Variants in TTC29 observed in about 807,000 individuals in gnomAD.
The protein encoded by TTC29 is tetratricopeptide repeat domain 29.
In TTC29, 49 loss-of-function variants were observed where a neutral mutation model predicts 58.1. The observed-to-expected ratio is 0.84, with a 90% CI of 0.67 to 1.07. The LOEUF (loss-of-function observed/expected upper bound fraction) is 1.07, where lower values mean the gene tolerates loss of function less well. Among genes scored for constraint, TTC29 ranks in the 50% least tolerant of loss-of-function variants. The probability of loss-of-function intolerance (pLI) is 0.00; values close to 1 mark genes in which losing one functional copy is unlikely to be tolerated. For missense variants in TTC29, 582 were observed against 555.6 expected (o/e 1.05, Z -0.48); for synonymous variants, 209 against 196.8 (o/e 1.06, Z -0.52).
intron 11 of TTC29, among the ~76,000 whole-genome samples, chr4:146,731,151 T>C (rs751160050): frequency 2.6e-5 from 4 of 152,032 alleles, no homozygotes; most frequent in Non-Finnish European, 5.9e-5. Flanking sequence ...AAGGAGAGAA[T>C]ATATATTGAG....
intron 11 of TTC29, among the ~76,000 whole-genome samples, chr4:146,744,434 G>T (rs1469521291): frequency 6.6e-6 from 1 of 152,136 alleles, no homozygotes; most frequent in African/African-American, 2.4e-5. Context: ...AGAGAAGAAA[G>T]ATATAGAATG....
chr4:146,867,341 C>T (rs1002447495), intron 8 of TTC29, among the ~76,000 whole-genome samples, 157 bp downstream of exon 8: 5 of 152,092 alleles, frequency 3.3e-5, no homozygotes, highest in Non-Finnish European at 7.4e-5. Context: ...TTTTAAAATG[C>T]TTCTAGCATA....
At chr4:146,872,429 T>G (rs1266107917) in intron 7 of TTC29, among the ~76,000 whole-genome samples, 1 of 151,952 alleles carries the variant, frequency 6.6e-6, no homozygotes, top group Non-Finnish European at 1.5e-5. Context: ...CTTCAATGAA[T>G]ACCATCAGGA....
At chr4:146,930,292 T>C (rs892166211) in intron 4 of TTC29, among the ~76,000 whole-genome samples, 1 of 151,722 alleles carries the variant, frequency 6.6e-6, no homozygotes, top group African/African-American at 2.4e-5. Flanking sequence ...TTTTTATTTC[T>C]TATAACTAGA....
chr4:146,818,027 G>C (rs1751536117), intron 10 of TTC29, among the ~76,000 whole-genome samples: 1 of 152,032 alleles, frequency 6.6e-6, no homozygotes, highest in Non-Finnish European at 1.5e-5. Context: ...GCATGGGCAA[G>C]GACTTCATGT....
intron 8 of TTC29, among the ~76,000 whole-genome samples, chr4:146,836,758 TG>T (rs1364376300): frequency 1.3e-5 from 2 of 152,060 alleles, no homozygotes; most frequent in East Asian, 3.9e-4. Context: ...TCAATATCAG[TG>T]ATCATTAGAG....
intron 6 of TTC29, among the ~76,000 whole-genome samples, chr4:146,883,677 C>T (rs1348994132): frequency 6.6e-6 from 1 of 151,928 alleles, no homozygotes; most frequent in Non-Finnish European, 1.5e-5. Flanking sequence ...GAACTGTGGG[C>T]TCGGTGCAAC....
intron 6 of TTC29, among the ~76,000 whole-genome samples, chr4:146,882,340 G>C (rs1731683762): frequency 6.6e-6 from 1 of 151,968 alleles, no homozygotes; most frequent in African/African-American, 2.4e-5. Flanking sequence ...CATAATTGGA[G>C]GTATCAAAGT....
At chr4:146,758,539 T>C (rs1333676521) in intron 11 of TTC29, among the ~76,000 whole-genome samples, 2 of 152,126 alleles carry the variant, frequency 1.3e-5, no homozygotes, top group Non-Finnish European at 2.9e-5. Context: ...AGAATACACA[T>C]TCTATCCAAC....
At chr4:146,753,354 A>G (rs376414908) in intron 11 of TTC29, among the ~76,000 whole-genome samples, 1 of 152,238 alleles carries the variant, frequency 6.6e-6, no homozygotes, top group Non-Finnish European at 1.5e-5. Flanking sequence ...ACAATGAGAT[A>G]CCATCTCACA....
At chr4:146,764,091 T>C (rs1174613867) in intron 11 of TTC29, 1 of 152,118 alleles carries the variant, frequency 6.6e-6, no homozygotes, top group Admixed American at 6.6e-5. Flanking sequence ...AAGCATCTCT[T>C]AAACCACTTT....
At chr4:146,836,801 T>C (rs1344142592) in intron 8 of TTC29, among the ~76,000 whole-genome samples, 2 of 152,072 alleles carry the variant, frequency 1.3e-5, no homozygotes, top group East Asian at 3.9e-4. Context: ...TGAGATACCA[T>C]CTCTTATGAG....
At chr4:146,900,861 T>G (rs1733099821) in intron 6 of TTC29, among the ~76,000 whole-genome samples, 1 of 152,104 alleles carries the variant, frequency 6.6e-6, no homozygotes, top group Non-Finnish European at 1.5e-5. Flanking sequence ...CATAAAAAAT[T>G]TAAAAATCAA....
At chr4:146,926,147 T>G (rs2150311152) in intron 4 of TTC29, among the ~76,000 whole-genome samples, 1 of 152,328 alleles carries the variant, frequency 6.6e-6, no homozygotes, top group East Asian at 1.9e-4. Flanking sequence ...TATGACAAGC[T>G]CTCTAAATAA....
chr4:146,766,852 G>A (rs906550702), intron 11 of TTC29, among the ~76,000 whole-genome samples: 1 of 152,036 alleles, frequency 6.6e-6, no homozygotes, highest in Non-Finnish European at 1.5e-5. Flanking sequence ...GAAGTAGTTA[G>A]GTAGTGGGCA....
At chr4:146,774,750 G>A (rs1329652093) in intron 11 of TTC29, among the ~76,000 whole-genome samples, 5 of 152,056 alleles carry the variant, frequency 3.3e-5, no homozygotes, top group East Asian at 3.9e-4. Context: ...GTCAAGTGTC[G>A]AGTTCAGGCC....
chr4:146,825,370 A>T (rs1212314260), intron 9 of TTC29, among the ~76,000 whole-genome samples: 1 of 152,188 alleles, frequency 6.6e-6, no homozygotes, highest in Non-Finnish European at 1.5e-5. Context: ...TCCAGTAGTC[A>T]TTCAGGAGCA....
chr4:146,742,479 G>A (rs1368962856), intron 11 of TTC29, among the ~76,000 whole-genome samples: 2 of 152,086 alleles, frequency 1.3e-5, no homozygotes, highest in African/African-American at 2.4e-5. Context: ...CAGTAAATAC[G>A]TCTAATAATT....
rs183549448 is a variant in TTC29, at chr4:146,738,365, G to A, written c.1331-30814C>T. ...ACTCAGTTATCCCAGGTATCTGAAG[G>A]GGGGAAGCTGTGTATTTGCCAAGAC... On this transcript the variant is annotated intron_variant, in intron 11 of 12. Transcript: ENST00000325106. Among the ~76,000 whole-genome samples, 12 of 152,274 alleles carry A rather than the reference G, an allele frequency of 7.9e-5. No homozygotes were observed. The East Asian group carries it at 1.7e-3, about 22-fold the overall frequency.
Sources: allele counts gnomAD v4.1 joint callset (sites outside exome capture counted in the v4.1 genomes callset), GRCh38; gene constraint gnomAD v4.1.1; transcripts MANE v1.5; gene names NCBI Gene and HGNC (gene_info 2026-07-23, HGNC 2026-07-21).